PAPPA: variants seen among roughly 807,000 people sequenced by gnomAD.
PAPPA encodes the protein pappalysin 1.
A neutral mutation model predicts 164.0 loss-of-function variants in PAPPA; 60 were observed. The observed-to-expected ratio is 0.37, with a 90% CI of 0.30 to 0.45. The LOEUF (loss-of-function observed/expected upper bound fraction) is 0.45, where lower values mean the gene tolerates loss of function less well. Among genes scored for constraint, PAPPA ranks in the 20% least tolerant of loss-of-function variants. The pLI, the probability that PAPPA is intolerant of heterozygous loss-of-function variation, is 1.00. For synonymous variants in PAPPA, 875 were observed against 814.1 expected, an observed-to-expected ratio of 1.07 and a Z score of -1.27; for missense variants, 1,782 against 2,087.3, an observed-to-expected ratio of 0.85 and a Z score of 2.85.
chr9:116,202,114 AC>A (rs1844178295), intron 2 of PAPPA, among the ~76,000 whole-genome samples: 1 of 152,214 alleles, frequency 6.6e-6, no homozygotes, highest in South Asian at 2.1e-4. Context: ...TGTAAGCTGT[AC>A]CATTGAAACG....
At chr9:116,203,462 A>G (rs1844194284) in intron 2 of PAPPA, among the ~76,000 whole-genome samples, 1 of 152,178 alleles carries the variant, frequency 6.6e-6, no homozygotes, top group African/African-American at 2.4e-5. Flanking sequence ...CCTGATGGAA[A>G]AGACAGATGC....
At chr9:116,232,201 C>A (rs1318421687) in intron 6 of PAPPA, among the ~76,000 whole-genome samples, 1 of 152,108 alleles carries the variant, frequency 6.6e-6, no homozygotes, top group Non-Finnish European at 1.5e-5. Context: ...CTTAGCTTAC[C>A]AGCCTCAGCA....
chr9:116,359,960 G>A lies in PAPPA; in HGVS notation c.4348-2632G>A, dbSNP rs531554724. On this transcript the variant is annotated intron_variant, in intron 17 of 21. Transcript: ENST00000328252. ...TGCAACACAAAGTGCCAGATGAACT[G>A]GGCAGGAGAGAGATAAACCAATGAT... is the stretch of plus-strand genomic sequence containing the variant. Among the ~76,000 whole-genome samples the A allele has an allele frequency of 1.7e-4, 26 of 152,348 alleles. No homozygotes were observed. In the East Asian group the frequency reaches 3.9e-3, roughly 23 times the overall value.
chr9:116,265,161 A>G (rs1041970954), intron 7 of PAPPA, among the ~76,000 whole-genome samples: 6 of 152,314 alleles, frequency 3.9e-5, no homozygotes, highest in South Asian at 2.1e-4. Context: ...TTACCTTCCT[A>G]TGCCTCAGAT....
At chr9:116,311,544 G>A (rs1186775216) in intron 10 of PAPPA, among the ~76,000 whole-genome samples, 1 of 152,148 alleles carries the variant, frequency 6.6e-6, no homozygotes, top group Non-Finnish European at 1.5e-5. Flanking sequence ...TTGTAGTGTA[G>A]CCATATTGTT....
intron 9 of PAPPA, among the ~76,000 whole-genome samples, chr9:116,279,139 C>T (rs1341995261): frequency 2.6e-5 from 4 of 152,068 alleles, no homozygotes; most frequent in Non-Finnish European, 4.4e-5. Flanking sequence ...CTTTCAGCTC[C>T]GATTTTTAGG....
intron 2 of PAPPA, among the ~76,000 whole-genome samples, chr9:116,199,850 G>A (rs1202500321): frequency 6.6e-6 from 1 of 152,120 alleles, no homozygotes. Context: ...AGAGGAGCCA[G>A]CATATGCAGA....
intron 7 of PAPPA, among the ~76,000 whole-genome samples, chr9:116,238,694 G>A (rs12349017): frequency 0.53 from 81,283 of 152,094 alleles, 22,387 homozygotes; most frequent in Non-Finnish European, 0.6. Flanking sequence ...AAGCACAAGG[G>A]CTAGACTGAG....
intron 9 of PAPPA, among the ~76,000 whole-genome samples, chr9:116,284,599 A>G (rs1432805336): frequency 1.9e-5 from 2 of 106,950 alleles, no homozygotes; most frequent in African/African-American, 3.9e-5. Flanking sequence ...TAATTGCTCT[A>G]CTTTGACGCC....
At chr9:116,263,171 A>T (rs1396148238) in intron 7 of PAPPA, among the ~76,000 whole-genome samples, 1 of 152,200 alleles carries the variant, frequency 6.6e-6, no homozygotes, top group Non-Finnish European at 1.5e-5. Context: ...ACACAGCTAG[A>T]AGAAGGAAGG....
chr9:116,391,534 T>C (rs1846893585), intron 21 of PAPPA, among the ~76,000 whole-genome samples: 2 of 152,224 alleles, frequency 1.3e-5, no homozygotes, highest in Admixed American at 1.3e-4. Flanking sequence ...CTCTCAGCTC[T>C]GGACAGGATC....
intron 7 of PAPPA, among the ~76,000 whole-genome samples, chr9:116,248,389 G>A (rs897357157): frequency 6.6e-6 from 1 of 152,182 alleles, no homozygotes; most frequent in African/African-American, 2.4e-5. Flanking sequence ...AAAGGGGTAG[G>A]TCATAGCTCT....
intron 9 of PAPPA, among the ~76,000 whole-genome samples, chr9:116,273,040 G>A (rs970339820): frequency 2.6e-5 from 4 of 151,986 alleles, no homozygotes; most frequent in Admixed American, 6.6e-5. Flanking sequence ...TACCTTTGTC[G>A]TCATCCTTAT....
intron 6 of PAPPA, among the ~76,000 whole-genome samples, chr9:116,233,340 CTGAA>C (rs1354102879): frequency 2.6e-5 from 4 of 152,182 alleles, no homozygotes; most frequent in African/African-American, 9.7e-5. Flanking sequence ...ATGAAGTTGA[CTGAA>C]TGAATAAGTG....
intron 7 of PAPPA, among the ~76,000 whole-genome samples, chr9:116,239,122 T>C (rs1350220857): frequency 2.0e-5 from 3 of 152,098 alleles, no homozygotes; most frequent in Non-Finnish European, 4.4e-5. Context: ...TTATTCTTTC[T>C]GTTATCTACA....
intron 15 of PAPPA, among the ~76,000 whole-genome samples, chr9:116,349,057 A>G (rs138346899): frequency 4.6e-5 from 7 of 151,820 alleles, no homozygotes; most frequent in African/African-American, 1.7e-4. Flanking sequence ...CTCTATTTGT[A>G]CCTCTTGTCC....
chr9:116,155,741 C>T (rs1346153548), intron 1 of PAPPA, among the ~76,000 whole-genome samples: 1 of 152,164 alleles, frequency 6.6e-6, no homozygotes, highest in Non-Finnish European at 1.5e-5. Flanking sequence ...AGATGTAGCA[C>T]TGACTATCCA....
chr9:116,267,396 A>G (rs1845080260), intron 8 of PAPPA, among the ~76,000 whole-genome samples: 1 of 152,268 alleles, frequency 6.6e-6, no homozygotes, highest in Non-Finnish European at 1.5e-5. Context: ...CTTTCTGAAC[A>G]TGATTTAACA....
intron 9 of PAPPA, chr9:116,286,675 C>T (rs1366293969): frequency 6.6e-6 from 1 of 152,032 alleles, no homozygotes; most frequent in African/African-American, 2.4e-5. Context: ...AAACGTTTAA[C>T]CAAAACATAA....
Sources: allele counts gnomAD v4.1 joint callset (sites outside exome capture counted in the v4.1 genomes callset), GRCh38; gene constraint gnomAD v4.1.1; transcripts MANE v1.5; gene names NCBI Gene and HGNC (gene_info 2026-07-23, HGNC 2026-07-21).